The following FBXO25 variants were observed in gnomAD, a reference collection of about 807,000 sequenced individuals.
FBXO25 encodes F-box only protein 25.
Under a neutral mutation model 51.9 loss-of-function variants are expected in FBXO25, and 45 were observed. The ratio of observed to expected loss-of-function variants is 0.87; its 90% CI spans 0.68 to 1.11. The LOEUF (loss-of-function observed/expected upper bound fraction) is 1.11, where lower values mean the gene tolerates loss of function less well. Among genes scored for constraint, FBXO25 ranks in the 50% most tolerant of loss-of-function variants. The pLI is 0.00. For synonymous variants in FBXO25, 199 were observed against 151.0 expected (o/e 1.32, Z -2.33); for missense variants, 507 against 428.5 (o/e 1.18, Z -1.62).
intron 9 of FBXO25, chr8:467,621 A>G: frequency 8.4e-7 from 1 of 1,184,426 alleles, no homozygotes; most frequent in South Asian, 1.3e-5. Context: ...ATCAAACCTG[A>G]ATGCTTAGAT....
chr8:441,336 G>A (rs28848589), intron 5 of FBXO25, among the ~76,000 whole-genome samples: 5 of 152,220 alleles, frequency 3.3e-5, no homozygotes, highest in African/African-American at 2.4e-5. Flanking sequence ...AAACTGGACC[G>A]CTTCCTTACA....
chr8:416,720 A>G (rs1796827491), intron 2 of FBXO25, among the ~76,000 whole-genome samples: 1 of 152,208 alleles, frequency 6.6e-6, no homozygotes, highest in African/African-American at 2.4e-5. Flanking sequence ...TGGTCTTATT[A>G]TTACACATAC....
In FBXO25 at chr8:461,413, T is replaced by G. The variant is rs541217559; in HGVS notation, c.844-1594T>G. Among the ~76,000 whole-genome samples, 3 of 152,312 alleles carry G rather than the reference T, an allele frequency of 2.0e-5. No homozygotes were observed. The South Asian group carries it at 6.2e-4, about 32-fold the overall frequency. On this transcript the variant is annotated intron_variant, in intron 8 of 9. Coordinates refer to ENST00000350302, the MANE Select transcript of FBXO25 (RefSeq NM_183420.2). ...AAGGCAAAGGAGGAGCAAAGTCACA[T>G]CCTACATGGCAGCAGGCAAGAGAGC...
rs991282780 is a variant in FBXO25, at chr8:476,572, C to G, written c.*7768C>G. 4 of 152,130 alleles carry G rather than the reference C, an allele frequency of 2.6e-5. No individual in the cohort carries two copies. The highest frequency in any genetic ancestry group is 9.7e-5 in the African/African-American group (4 of 41,426). 9.4% of individuals were successfully genotyped at this position (152,130 alleles called of 1,614,324 possible). On this transcript the variant is annotated 3_prime_UTR_variant, in exon 10 of 10. Coordinates refer to ENST00000350302, the MANE Select transcript of FBXO25 (RefSeq NM_183420.2). ...TCAGATTTTCCATTTCTTCATGATT[C>G]AATCTTGATAGGCTGTGTGTTTCTA... is the stretch of plus-strand genomic sequence containing the variant.
intron 2 of FBXO25, among the ~76,000 whole-genome samples, chr8:417,704 C>A (rs1003003052): frequency 1.3e-5 from 2 of 152,198 alleles, no homozygotes; most frequent in South Asian, 2.1e-4. Context: ...TCCTTTTCCT[C>A]CACTTGTATT....
At chr8:418,154 T>C (rs1362664260) in intron 2 of FBXO25, among the ~76,000 whole-genome samples, 5 of 152,028 alleles carry the variant, frequency 3.3e-5, no homozygotes, top group Non-Finnish European at 7.4e-5. Context: ...TGCATGTGTG[T>C]CTTCATGTAA....
chr8:465,338 A>G (rs1800085303), intron 9 of FBXO25, among the ~76,000 whole-genome samples: 1 of 152,198 alleles, frequency 6.6e-6, no homozygotes, highest in African/African-American at 2.4e-5. Flanking sequence ...TGCTTCTCCT[A>G]AGAGTTACTT....
intron 5 of FBXO25, among the ~76,000 whole-genome samples, chr8:436,602 G>A (rs1043260808): frequency 1.3e-5 from 2 of 152,144 alleles, no homozygotes; most frequent in African/African-American, 2.4e-5. Flanking sequence ...GGACTTCCCT[G>A]GTGTTTTCTG....
In FBXO25 at chr8:474,210, T is replaced by C; in HGVS notation, c.*5406T>C. The C allele has an allele frequency of 5.9e-6, 1 of 168,072 alleles. No individual in the cohort carries two copies. The highest frequency in any genetic ancestry group is 2.8e-3 in the Middle Eastern group (1 of 354). The allele number at this position is 168,072 out of a possible 1,614,324, so 10.4% of individuals were successfully genotyped here. A position where few individuals can be genotyped will look rare whatever the true frequency, so the allele number is the denominator to read the frequency against. ...CGTATGAGTGGAACCAGAAGGGATT[T>C]GTCCTTTTGTGACTGGCTTATTTCA... On this transcript the variant is annotated 3_prime_UTR_variant, in exon 10 of 10. Coordinates refer to ENST00000350302, the MANE Select transcript of FBXO25 (RefSeq NM_183420.2).
intron 7 of FBXO25, 48 bp from the exon 8 acceptor site, chr8:458,321 A>C (rs768299604): frequency 8.2e-6 from 13 of 1,586,558 alleles, no homozygotes; most frequent in Non-Finnish European, 1.1e-5. Context: ...CTGTGTGAAC[A>C]AACATTGGCC....
intron 2 of FBXO25, among the ~76,000 whole-genome samples, chr8:419,184 A>AC (rs1797001681): frequency 6.7e-6 from 1 of 149,868 alleles, no homozygotes; most frequent in Non-Finnish European, 1.5e-5. Context: ...ACATGGTGAA[A>AC]CCCCGTCTCT....
intron 5 of FBXO25, 39 bp downstream of exon 5, chr8:435,746 T>G (rs1203846682): frequency 1.3e-6 from 2 of 1,559,822 alleles, no homozygotes; most frequent in African/African-American, 2.8e-5. Context: ...GATGACTCTT[T>G]TGAACAACTA....
chr8:451,095 A>G, intron 6 of FBXO25, 174 bp from the exon 7 acceptor site: 1 of 570,970 alleles, frequency 1.8e-6, no homozygotes. Context: ...TCCATGCTGA[A>G]TATGTGTGAG....
intron 9 of FBXO25, among the ~76,000 whole-genome samples, chr8:467,149 G>C (rs1361247902): frequency 6.6e-6 from 1 of 152,138 alleles, no homozygotes; most frequent in African/African-American, 2.4e-5. Flanking sequence ...TCCTGAACCA[G>C]CGGGGGAGAA....
intron 2 of FBXO25, among the ~76,000 whole-genome samples, chr8:427,027 A>G (rs1283148925): frequency 1.3e-5 from 2 of 152,126 alleles, no homozygotes; most frequent in African/African-American, 2.4e-5. Flanking sequence ...CACTGATACG[A>G]AGTAGCTTTA....
chr8:441,732 A>G (rs1016679232), intron 5 of FBXO25, among the ~76,000 whole-genome samples: 1 of 152,240 alleles, frequency 6.6e-6, no homozygotes, highest in East Asian at 1.9e-4. Flanking sequence ...TCAAAACAAG[A>G]AATTTATGCA....
intron 5 of FBXO25, among the ~76,000 whole-genome samples, chr8:447,379 CT>C (rs1935929887): frequency 6.6e-6 from 1 of 152,122 alleles, no homozygotes; most frequent in Admixed American, 6.5e-5. Context: ...TCTGAAATGC[CT>C]GTTAGAGAAG....
At chr8:412,904 A>G (rs12544287) in intron 1 of FBXO25, among the ~76,000 whole-genome samples, 169 bp from the exon 2 acceptor site, 8,853 of 152,284 alleles carry the variant, frequency 0.058, 282 homozygotes, top group Middle Eastern at 0.082. Context: ...TCACTTTAGT[A>G]CACAGTACTG....
rs78671895 is a variant in FBXO25, at chr8:466,250, C to G, written c.988-2465C>G. Among the ~76,000 whole-genome samples, 251 of 152,360 alleles carry G rather than the reference C, an allele frequency of 1.6e-3. 4 individuals are homozygous for G. The East Asian group carries it at 0.03, about 18-fold the overall frequency. ...TCCGCCGTGGGTTTGCCCAGTGTGG[C>G]TAACCAGAGGCGAGTGGCCTGGTGG... is the stretch of plus-strand genomic sequence containing the variant. On this transcript the variant is annotated intron_variant, in intron 9 of 9. Coordinates refer to ENST00000350302, the MANE Select transcript of FBXO25 (RefSeq NM_183420.2).
Sources: allele counts gnomAD v4.1 joint callset (sites outside exome capture counted in the v4.1 genomes callset), GRCh38; gene constraint gnomAD v4.1.1; transcripts MANE v1.5; gene names NCBI Gene and HGNC (gene_info 2026-07-23, HGNC 2026-07-21).